Variants in TMEM161B observed in about 807,000 individuals in gnomAD.
TMEM161B encodes transmembrane protein 161B.
In TMEM161B, 34 loss-of-function variants were observed where a neutral mutation model predicts 61.8. That is an observed-to-expected ratio of 0.55 (90% CI 0.42 to 0.73). TMEM161B has a LOEUF of 0.73. Ranked by LOEUF, TMEM161B falls within the 30% of genes least tolerant of loss-of-function variation. The pLI, the probability that TMEM161B is intolerant of heterozygous loss-of-function variation, is 0.00. For synonymous variants in TMEM161B, 167 were observed against 192.8 expected (o/e 0.87, Z 1.11); for missense variants, 456 against 558.5 (o/e 0.82, Z 1.85).
intron 1 of TMEM161B, among the ~76,000 whole-genome samples, chr5:88,251,810 T>C (rs1377603398): frequency 6.6e-6 from 1 of 152,160 alleles, no homozygotes; most frequent in East Asian, 1.9e-4. Flanking sequence ...GAACATGCTG[T>C]CTATCTAATA....
At chr5:88,221,781 C>T (rs1398940087) in intron 4 of TMEM161B, 1 of 455,958 alleles carries the variant, frequency 2.2e-6, no homozygotes, top group East Asian at 7.0e-5. Context: ...GGAAGTAAAT[C>T]ATGTACATAA....
At chr5:88,209,984 TA>T (rs1273342654) in intron 5 of TMEM161B, among the ~76,000 whole-genome samples, 6 of 152,344 alleles carry the variant, frequency 3.9e-5, no homozygotes, top group African/African-American at 1.4e-4. Context: ...TATCACTTAC[TA>T]ATATAATTCA....
intron 1 of TMEM161B, among the ~76,000 whole-genome samples, chr5:88,261,007 C>T (rs1165920389): frequency 2.0e-5 from 3 of 152,096 alleles, no homozygotes; most frequent in Non-Finnish European, 4.4e-5. Flanking sequence ...ATTGTATTCT[C>T]TAAGAACTGC....
At chr5:88,200,914 C>T (rs1344713503) in intron 9 of TMEM161B, 2 of 151,992 alleles carry the variant, frequency 1.3e-5, no homozygotes, top group East Asian at 1.9e-4. Flanking sequence ...CATATTTTTG[C>T]TTCTGATTAC....
intron 5 of TMEM161B, among the ~76,000 whole-genome samples, chr5:88,218,211 A>G (rs1018322932): frequency 2.0e-5 from 3 of 152,198 alleles, no homozygotes; most frequent in Non-Finnish European, 4.4e-5. Context: ...TCTGAATAAT[A>G]AGCATTCCAG....
chr5:88,257,966 T>C (rs1279267085), intron 1 of TMEM161B, among the ~76,000 whole-genome samples: 1 of 152,200 alleles, frequency 6.6e-6, no homozygotes, highest in Non-Finnish European at 1.5e-5. Flanking sequence ...AAATGATTCA[T>C]TTTCTTTATA....
intron 8 of TMEM161B, among the ~76,000 whole-genome samples, chr5:88,203,785 AT>A (rs1561312535): frequency 0.019 from 339 of 18,226 alleles, 32 homozygotes; most frequent in African/African-American, 0.034. Flanking sequence ...ATATATATAT[AT>A]ATATATATAT....
At chr5:88,261,730 C>CAAAAAA (rs70996464) in intron 1 of TMEM161B, among the ~76,000 whole-genome samples, 8 of 49,306 alleles carry the variant, frequency 1.6e-4, no homozygotes, top group African/African-American at 1.8e-4. Flanking sequence ...CATTCATGTG[C>CAAAAAA]AAAAAAAAAA....
chr5:88,268,680 C>G, intron 1 of TMEM161B, 41 bp downstream of exon 1: 1 of 1,613,962 alleles, frequency 6.2e-7, no homozygotes. Context: ...CCGCCCTTTT[C>G]GCCCCACCGT....
Position 88,202,989 on chromosome 5 carries a change from G to A in TMEM161B, c.887C>T (p.Pro296Leu). The change falls in exon 9 of 12, where the codon CCA becomes CTA. Residue 296 changes from proline to leucine, a missense_variant. By Grantham distance (98) the Pro-to-Leu change is moderately conservative. This residue lies in a region of TMEM161B where 367 missense variants were observed against 427.3 expected (regional missense o/e 0.86). Coordinates refer to ENST00000296595, the MANE Select transcript of TMEM161B (RefSeq NM_153354.5). ...KPITKDYIMNPPLGKESIPLM... is the reference protein window; with the variant it reads ...KPITKDYIMNLPLGKESIPLM... ...AGGGATACTTTCTTTGCCCAGTGGT[G>A]GGTTCATAATGTAGTCTTTGGTGAT... 6.2e-7 allele frequency: 1 copy of A among 1,611,068 alleles called. No homozygotes were observed. The highest frequency in any genetic ancestry group is 8.5e-7 in the Non-Finnish European group (1 of 1,177,546).
intron 2 of TMEM161B, among the ~76,000 whole-genome samples, chr5:88,233,957 T>C (rs2112613947): frequency 6.6e-6 from 1 of 152,198 alleles, no homozygotes; most frequent in East Asian, 1.9e-4. Flanking sequence ...ATAACACTAG[T>C]TAATGAGAAA....
chr5:88,208,033 T>C, intron 5 of TMEM161B, among the ~76,000 whole-genome samples: 1 of 151,764 alleles, frequency 6.6e-6, no homozygotes, highest in East Asian at 2.0e-4. Context: ...TTAAAAAACT[T>C]AAACAAACAA....
chr5:88,226,120 C>CT (rs1160453631), intron 3 of TMEM161B, among the ~76,000 whole-genome samples: 7 of 151,548 alleles, frequency 4.6e-5, no homozygotes, highest in East Asian at 1.9e-4. Flanking sequence ...GCAACAAAAT[C>CT]TTTTTTTTTC....
rs964254697 is a variant in TMEM161B, at chr5:88,239,249, C to T, written c.107+1564G>A. ...CAGAATATGTAACAAGATGAAAATGCATGTACACTAAAATGGGACAAGATT... is the reference window on the plus strand; with the variant it reads ...CAGAATATGTAACAAGATGAAAATGTATGTACACTAAAATGGGACAAGATT... On this transcript the variant is annotated intron_variant, in intron 2 of 11. Coordinates refer to ENST00000296595, the MANE Select transcript of TMEM161B (RefSeq NM_153354.5). Among the ~76,000 whole-genome samples the T allele has an allele frequency of 9.2e-5, 14 of 151,978 alleles. No homozygotes were observed. The South Asian group carries it at 1.4e-3, about 16-fold the overall frequency.
intron 1 of TMEM161B, among the ~76,000 whole-genome samples, chr5:88,256,139 T>C (rs1411552338): frequency 2.0e-5 from 3 of 152,204 alleles, no homozygotes; most frequent in Non-Finnish European, 4.4e-5. Context: ...TCACAAACCA[T>C]TTTAACATAT....
At chr5:88,256,142 T>C (rs1182990456) in intron 1 of TMEM161B, among the ~76,000 whole-genome samples, 6 of 152,196 alleles carry the variant, frequency 3.9e-5, no homozygotes, top group Admixed American at 3.9e-4. Flanking sequence ...CAAACCATTT[T>C]AACATATTGG....
chr5:88,243,137 T>C (rs1008394028), intron 1 of TMEM161B, among the ~76,000 whole-genome samples: 2 of 151,780 alleles, frequency 1.3e-5, no homozygotes, highest in African/African-American at 4.8e-5. Flanking sequence ...GTTTGTTATA[T>C]AGGTAAATTG....
At chr5:88,248,159 C>G (rs1260488189) in intron 1 of TMEM161B, among the ~76,000 whole-genome samples, 1 of 151,998 alleles carries the variant, frequency 6.6e-6, no homozygotes, top group Non-Finnish European at 1.5e-5. Context: ...AATCCTGGGT[C>G]CCCAAAAGAC....
At chr5:88,226,003 GGTAAA>G (rs1194068480) in intron 3 of TMEM161B, 137 bp from the exon 4 acceptor site, 2 of 545,890 alleles carry the variant, frequency 3.7e-6, no homozygotes. Flanking sequence ...TCAATAAGGA[GGTAAA>G]GTACTCAAAG....
Sources: allele counts gnomAD v4.1 joint callset (sites outside exome capture counted in the v4.1 genomes callset), GRCh38; gene constraint gnomAD v4.1.1; regional missense constraint gnomAD v4.1.1; transcripts MANE v1.5; gene names NCBI Gene and HGNC (gene_info 2026-07-23, HGNC 2026-07-21).